The following COMMD9 variants were observed in gnomAD, a reference collection of about 807,000 sequenced individuals.
COMMD9 encodes the protein COMM domain-containing protein 9.
A neutral mutation model predicts 23.4 loss-of-function variants in COMMD9; 22 were observed. The observed-to-expected ratio is 0.94, with a 90% confidence interval of 0.67 to 1.34. COMMD9 has a LOEUF of 1.34. COMMD9 is among the 40% of genes most tolerant of loss of function. The pLI, the probability that COMMD9 is intolerant of heterozygous loss-of-function variation, is 0.00. For synonymous variants in COMMD9, 99 were observed against 97.4 expected (o/e 1.02, Z -0.10); for missense variants, 231 against 240.2 (o/e 0.96, Z 0.25).
chr11:36,286,395 C>CAAAAAAAAAAAAAAA (rs138463305), intron 1 of COMMD9, among the ~76,000 whole-genome samples: 7 of 76,916 alleles, frequency 9.1e-5, no homozygotes, highest in South Asian at 5.2e-4. Context: ...ACTAAAAATA[C>CAAAAAAAAAAAAAAA]AAAAAAAAAA....
chr11:36,276,319 G>C, intron 4 of COMMD9, 79 bp from the exon 5 acceptor site: 1 of 955,058 alleles, frequency 1.0e-6, no homozygotes, highest in Non-Finnish European at 1.7e-6. Flanking sequence ...GCGGCTCTGA[G>C]GACTGCACAC....
At position 36,274,040 on chromosome 11, in the gene COMMD9, C is replaced by T. The variant is rs1293072482; in HGVS notation, c.*592G>A. 1.1e-5 allele frequency: 3 copies of T among 273,574 alleles called. No individual in the cohort carries two copies. The highest frequency in any genetic ancestry group is 2.2e-5 in the Non-Finnish European group (3 of 134,646). The allele number at this position is 273,574 out of a possible 1,614,324, so 16.9% of individuals were successfully genotyped here. On this transcript the variant is annotated 3_prime_UTR_variant, in exon 6 of 6. Coordinates refer to ENST00000263401, the MANE Select transcript of COMMD9 (RefSeq NM_014186.4). ...GGCTGCATTAGATGAAGGAAGAGGG[C>T]CCTGGTTTCATGAAGAAGGGAATTA... is the stretch of plus-strand genomic sequence containing the variant.
intron 2 of COMMD9, 37 bp downstream of exon 2, chr11:36,280,675 G>A: frequency 6.5e-7 from 1 of 1,528,982 alleles, no homozygotes; most frequent in South Asian, 1.2e-5. Flanking sequence ...ACTAATAAGA[G>A]GGCCAGTGGC....
In COMMD9 at chr11:36,274,370, A is replaced by T; in HGVS notation, c.*262T>A. On this transcript the variant is annotated 3_prime_UTR_variant, in exon 6 of 6. Coordinates refer to ENST00000263401, the MANE Select transcript of COMMD9 (RefSeq NM_014186.4). ...TGTTCCCTCACCCTGCCATGGTGGTAATTAAGTTGCACTCAGGAGCTTTTC... is the reference window on the plus strand; with the variant it reads ...TGTTCCCTCACCCTGCCATGGTGGTTATTAAGTTGCACTCAGGAGCTTTTC... 1.5e-6 allele frequency: 1 copy of T among 663,048 alleles called. No individual in the cohort carries two copies. Among genetic ancestry groups the T allele is most frequent in the Non-Finnish European group, 2.8e-6 (1 of 360,466 alleles). 41.1% of individuals were successfully genotyped at this position (663,048 alleles called of 1,614,324 possible).
In COMMD9 at chr11:36,280,847, A is replaced by C. The variant is rs374771050; in HGVS notation, c.52-10T>G. ...CATCTTTCGAGGAGGCCTATGAATT[A>C]AATCACAGATAGGAAAAAAAAAAAC... On this transcript the variant is annotated splice_polypyrimidine_tract_variant and intron_variant, in intron 1 of 5. Transcript: ENST00000263401. 3.9e-6 allele frequency: 6 copies of C among 1,548,724 alleles called. No individual in the cohort carries two copies. In the African/African-American group the frequency reaches 8.4e-5, roughly 22 times the overall value.
chr11:36,280,637 T>A, intron 2 of COMMD9, 75 bp downstream of exon 2: 8 of 1,419,112 alleles, frequency 5.6e-6, no homozygotes, highest in Non-Finnish European at 7.5e-6. Flanking sequence ...TCCTTGGACA[T>A]GGCAATGACT....
intron 1 of COMMD9, among the ~76,000 whole-genome samples, chr11:36,285,627 CAAAT>C (rs928664546): frequency 2.6e-5 from 4 of 151,624 alleles, no homozygotes; most frequent in Non-Finnish European, 2.9e-5. Context: ...AAAATAATGG[CAAAT>C]AGAGATCAGT....
chr11:36,284,417 C>A (rs1184656450), intron 1 of COMMD9, among the ~76,000 whole-genome samples: 3 of 152,110 alleles, frequency 2.0e-5, no homozygotes, highest in Non-Finnish European at 2.9e-5. Context: ...AAGAAACAGA[C>A]CAAATGACAA....
chr11:36,285,806 T>C (rs75919466), intron 1 of COMMD9, among the ~76,000 whole-genome samples: 9,879 of 152,232 alleles, frequency 0.065, 372 homozygotes, highest in South Asian at 0.1. Flanking sequence ...TATAAATCAA[T>C]GCAGAGAAAG....
intron 1 of COMMD9, 37 bp downstream of exon 1, chr11:36,289,325 A>C: frequency 1.3e-6 from 2 of 1,542,430 alleles, no homozygotes; most frequent in South Asian, 1.2e-5. Flanking sequence ...TCGGAGACAA[A>C]GGGCCACCTC....
At chr11:36,278,402 A>T in intron 3 of COMMD9, 75 bp downstream of exon 3, 1 of 1,373,252 alleles carries the variant, frequency 7.3e-7, no homozygotes, top group Non-Finnish European at 1.0e-6. Flanking sequence ...TGAGCATATT[A>T]CTACTTCTAG....
At chr11:36,280,306 G>C (rs1438637559) in intron 2 of COMMD9, among the ~76,000 whole-genome samples, 1 of 152,136 alleles carries the variant, frequency 6.6e-6, no homozygotes, top group African/African-American at 2.4e-5. Context: ...GGGGTGAGGA[G>C]GGAGTGAGAT....
At chr11:36,280,927 C>A (rs1856056005) in intron 1 of COMMD9, 90 bp from the exon 2 acceptor site, 1 of 1,266,582 alleles carries the variant, frequency 7.9e-7, no homozygotes, top group Non-Finnish European at 1.1e-6. Context: ...TACATGATAC[C>A]TTTGAGACTT....
intron 5 of COMMD9, among the ~76,000 whole-genome samples, chr11:36,275,467 C>T (rs1343260735): frequency 5.0e-5 from 7 of 140,048 alleles, no homozygotes; most frequent in African/African-American, 1.6e-4. Context: ...TTTTTTGAGA[C>T]GGAGTCTCAC....
chr11:36,289,275 C>G (rs1304336233), intron 1 of COMMD9, 87 bp downstream of exon 1: 1 of 1,334,530 alleles, frequency 7.5e-7, no homozygotes, highest in Admixed American at 2.2e-5. Flanking sequence ...GGCTCCAAAC[C>G]AGGGTCAATT....
rs1855905850 is a variant in COMMD9, at chr11:36,273,163, T to G, written c.*1469A>C. ...ATTGAGATGTAGAAGTCAAGCACCTTACCACTGAGAAGCAGAGCTGGCTTC... is the reference window on the plus strand; with the variant it reads ...ATTGAGATGTAGAAGTCAAGCACCTGACCACTGAGAAGCAGAGCTGGCTTC... On this transcript the variant is annotated 3_prime_UTR_variant, in exon 6 of 6. Transcript: ENST00000263401. The G allele has an allele frequency of 1.3e-5, 2 of 152,220 alleles. No individual in the cohort carries two copies. The highest frequency in any genetic ancestry group is 2.9e-5 in the Non-Finnish European group (2 of 68,038). The allele number at this position is 152,220 out of a possible 1,614,324, so 9.4% of individuals were successfully genotyped here.
rs1253479062 is a variant in COMMD9, at chr11:36,275,122, ACTT to A, written c.457-353_457-351del. The stretch of plus-strand genomic sequence containing the variant: ...CTTTAAGGAGCAGGTTCTGTTGGAT[ACTT>A]CAGACAATCCTGCATTGGGATGCAG... On this transcript the variant is annotated intron_variant, in intron 5 of 5. Coordinates refer to ENST00000263401, the MANE Select transcript of COMMD9 (RefSeq NM_014186.4). Among the ~76,000 whole-genome samples, 5 of 152,382 alleles carry A rather than the reference ACTT, an allele frequency of 3.3e-5. No homozygotes were observed. In the East Asian group the frequency reaches 9.6e-4, roughly 29 times the overall value.
At chr11:36,282,548 GC>G (rs1351688039) in intron 1 of COMMD9, among the ~76,000 whole-genome samples, 2 of 152,058 alleles carry the variant, frequency 1.3e-5, no homozygotes, top group African/African-American at 2.4e-5. Flanking sequence ...CCTACACCCA[GC>G]AAAAATATCC....
chr11:36,279,738 A>G lies in COMMD9; in HGVS notation c.177+974T>C, dbSNP rs181556741. Among the ~76,000 whole-genome samples the G allele has an allele frequency of 2.4e-4, 36 of 152,300 alleles. No individual in the cohort carries two copies. The East Asian group carries it at 6.2e-3, about 26-fold the overall frequency. ...GGGGGGAACCCAAAATAAGTCTCCA[A>G]ATCACTTCCAAAATCTTGCTTTTTC... On this transcript the variant is annotated intron_variant, in intron 2 of 5. Transcript: ENST00000263401.
Sources: gnomAD v4.1 joint callset for allele counts (sites outside exome capture counted in the v4.1 genomes callset) on GRCh38, gnomAD v4.1.1 for gene constraint, MANE v1.5 for transcripts, NCBI Gene and HGNC (gene_info 2026-07-23, HGNC 2026-07-21) for gene names.